GRID2: variants seen among roughly 807,000 people sequenced by gnomAD.
GRID2 encodes the protein glutamate ionotropic receptor delta type subunit 2.
Under a neutral mutation model 114.8 loss-of-function variants are expected in GRID2, and 33 were observed. That is an observed-to-expected ratio of 0.29 (90% CI 0.22 to 0.38). GRID2 has a LOEUF of 0.38. GRID2 is among the 10% of genes least tolerant of loss of function. The pLI is 1.00. For missense variants in GRID2, 1,184 were observed against 1,257.7 expected, an observed-to-expected ratio of 0.94 and a Z score of 0.89; for synonymous variants, 505 against 449.9, an observed-to-expected ratio of 1.12 and a Z score of -1.55.
intron 4 of GRID2, among the ~76,000 whole-genome samples, chr4:93,187,879 T>G (rs1188088166): frequency 6.6e-6 from 1 of 152,230 alleles, no homozygotes. Context: ...GGCTGGAGAA[T>G]AATTCTTGAG....
chr4:93,076,349 A>G (rs914642648), intron 2 of GRID2, among the ~76,000 whole-genome samples: 2 of 152,202 alleles, frequency 1.3e-5, no homozygotes, highest in African/African-American at 4.8e-5. Flanking sequence ...AGAATTCTGC[A>G]TGCCATGCTA....
chr4:93,388,606 A>G (rs1012651222), intron 8 of GRID2, among the ~76,000 whole-genome samples: 4 of 152,212 alleles, frequency 2.6e-5, no homozygotes, highest in Non-Finnish European at 4.4e-5. Flanking sequence ...CAAATCATGC[A>G]AATTCTGGTA....
chr4:93,148,187 T>G (rs1736426436), intron 4 of GRID2, among the ~76,000 whole-genome samples: 1 of 152,198 alleles, frequency 6.6e-6, no homozygotes, highest in Admixed American at 6.6e-5. Flanking sequence ...ACACTGACCA[T>G]GATTAAAACC....
intron 4 of GRID2, among the ~76,000 whole-genome samples, chr4:93,185,591 TA>T (rs1331397383): frequency 6.6e-6 from 1 of 152,182 alleles, no homozygotes; most frequent in Non-Finnish European, 1.5e-5. Context: ...ATATATCTCT[TA>T]AAAAATGGAC....
chr4:93,667,764 C>G (rs1724074772), intron 14 of GRID2, among the ~76,000 whole-genome samples: 1 of 151,902 alleles, frequency 6.6e-6, no homozygotes, highest in Admixed American at 6.6e-5. Context: ...AGTGTTTATC[C>G]TGTGAAAAAG....
chr4:92,700,587 G>C (rs1734624002), intron 2 of GRID2, among the ~76,000 whole-genome samples: 1 of 152,156 alleles, frequency 6.6e-6, no homozygotes, highest in Admixed American at 6.5e-5. Context: ...AAATGAGTAA[G>C]CACCTACTAG....
At chr4:93,121,141 A>G (rs557826704) in intron 4 of GRID2, among the ~76,000 whole-genome samples, 1 of 152,272 alleles carries the variant, frequency 6.6e-6, no homozygotes. Context: ...TGTGATAGTT[A>G]TTTAAATGAC....
At chr4:93,683,181 A>G (rs1031133706) in intron 14 of GRID2, among the ~76,000 whole-genome samples, 16 of 151,992 alleles carry the variant, frequency 1.1e-4, no homozygotes, top group African/African-American at 3.4e-4. Flanking sequence ...TCTCCTTGGC[A>G]TTTGAATTGT....
At chr4:93,290,720 T>C (rs369038308) in intron 8 of GRID2, among the ~76,000 whole-genome samples, 1 of 152,024 alleles carries the variant, frequency 6.6e-6, no homozygotes, top group African/African-American at 2.4e-5. Context: ...CAGCATCCCT[T>C]CTCTTATTCT....
intron 1 of GRID2, among the ~76,000 whole-genome samples, chr4:92,355,531 G>T (rs1166932820): frequency 6.6e-6 from 1 of 151,690 alleles, no homozygotes; most frequent in African/African-American, 2.4e-5. Context: ...GGTCATAAGG[G>T]TAATGTGTGC....
At chr4:92,737,672 G>A (rs1284181732) in intron 2 of GRID2, among the ~76,000 whole-genome samples, 37 of 152,056 alleles carry the variant, frequency 2.4e-4, no homozygotes, top group Non-Finnish European at 1.0e-4. Flanking sequence ...AATGACAAAT[G>A]TTGAATTATA....
intron 1 of GRID2, among the ~76,000 whole-genome samples, chr4:92,488,096 C>T (rs562011742): frequency 2.6e-5 from 4 of 152,222 alleles, no homozygotes; most frequent in African/African-American, 7.2e-5. Context: ...ACTCTGATGT[C>T]ATGATTCTTA....
intron 10 of GRID2, among the ~76,000 whole-genome samples, chr4:93,454,028 T>G (rs1157835038): frequency 1.3e-5 from 2 of 152,060 alleles, no homozygotes; most frequent in Non-Finnish European, 2.9e-5. Flanking sequence ...GGTTAGATTT[T>G]CCATCTGAAA....
intron 1 of GRID2, among the ~76,000 whole-genome samples, chr4:93,800,936 T>C (rs1187471193): frequency 2.0e-5 from 3 of 152,228 alleles, no homozygotes; most frequent in Non-Finnish European, 4.4e-5. Flanking sequence ...TACTGCTAAT[T>C]ATTTTCCTAG....
intron 1 of GRID2, among the ~76,000 whole-genome samples, chr4:92,385,664 A>C (rs140768094): frequency 6.6e-6 from 1 of 151,496 alleles, no homozygotes; most frequent in East Asian, 1.9e-4. Context: ...TTTACAGTAG[A>C]ATTCATGAAT....
intron 2 of GRID2, among the ~76,000 whole-genome samples, chr4:92,860,293 T>A (rs1744446120): frequency 6.6e-6 from 1 of 152,152 alleles, no homozygotes; most frequent in Non-Finnish European, 1.5e-5. Flanking sequence ...ACCGGTCAGC[T>A]TTCTTTTTGT....
intron 14 of GRID2, among the ~76,000 whole-genome samples, chr4:93,670,270 G>T (rs1724298264): frequency 6.6e-6 from 1 of 152,032 alleles, no homozygotes; most frequent in African/African-American, 2.4e-5. Context: ...TGAAACTCAA[G>T]GTGCAGTAAG....
At chr4:93,490,911 T>C in intron 12 of GRID2, 134 bp downstream of exon 12, 2 of 588,968 alleles carry the variant, frequency 3.4e-6, no homozygotes, top group South Asian at 2.5e-5. Context: ...AATTTTGTGT[T>C]ACTGCAAAGT....
intron 8 of GRID2, among the ~76,000 whole-genome samples, chr4:93,301,008 G>A (rs1754816433): frequency 6.6e-6 from 1 of 152,188 alleles, no homozygotes; most frequent in South Asian, 2.1e-4. Context: ...GTTTAGGCCA[G>A]GCAGGCCCAG....
Sources: gnomAD v4.1 joint callset for allele counts (sites outside exome capture counted in the v4.1 genomes callset) on GRCh38, gnomAD v4.1.1 for gene constraint, MANE v1.5 for transcripts, NCBI Gene and HGNC (gene_info 2026-07-23, HGNC 2026-07-21) for gene names.